Variants in BORCS5 observed in about 807,000 individuals in gnomAD.
BORCS5 encodes BLOC-1-related complex subunit 5.
A neutral mutation model predicts 22.1 loss-of-function variants in BORCS5; 17 were observed. The ratio of observed to expected loss-of-function variants is 0.77; its 90% CI spans 0.53 to 1.15. BORCS5 has a LOEUF of 1.15. BORCS5 is among the 50% of genes most tolerant of loss of function. The pLI is 0.00. For missense variants in BORCS5, 247 were observed against 253.2 expected, an observed-to-expected ratio of 0.98 and a Z score of 0.17; for synonymous variants, 117 against 99.8, an observed-to-expected ratio of 1.17 and a Z score of -1.03.
intron 2 of BORCS5, among the ~76,000 whole-genome samples, chr12:12,421,605 G>A (rs900179954): frequency 6.6e-6 from 1 of 152,140 alleles, no homozygotes; most frequent in African/African-American, 2.4e-5. Flanking sequence ...TCTATTGATT[G>A]GAATAGTTTC....
intron 3 of BORCS5, among the ~76,000 whole-genome samples, chr12:12,446,125 T>G (rs927186804): frequency 2.6e-5 from 4 of 152,124 alleles, no homozygotes; most frequent in Admixed American, 2.6e-4. Flanking sequence ...GGCCCTGTTG[T>G]AGGTGTCGAG....
At chr12:12,376,013 C>T (rs559457816) in intron 2 of BORCS5, among the ~76,000 whole-genome samples, 1 of 152,264 alleles carries the variant, frequency 6.6e-6, no homozygotes, top group South Asian at 2.1e-4. Context: ...CCATGTTGGC[C>T]AGGCTGGTCT....
intron 2 of BORCS5, among the ~76,000 whole-genome samples, chr12:12,382,103 C>T (rs906508669): frequency 6.6e-6 from 1 of 151,254 alleles, no homozygotes; most frequent in African/African-American, 2.4e-5. Flanking sequence ...CTTTGAGTTG[C>T]TATAAAGGAA....
intron 2 of BORCS5, among the ~76,000 whole-genome samples, chr12:12,379,553 A>G (rs568450623): frequency 6.6e-6 from 1 of 151,712 alleles, no homozygotes; most frequent in Non-Finnish European, 1.5e-5. Context: ...TCGGATGTCA[A>G]CAGAAAGAAT....
intron 2 of BORCS5, among the ~76,000 whole-genome samples, chr12:12,406,697 A>C (rs1941603319): frequency 6.6e-6 from 1 of 152,192 alleles, no homozygotes; most frequent in Non-Finnish European, 1.5e-5. Context: ...CCATATAAAA[A>C]TAACCTCCCC....
rs559542121 is a variant in BORCS5, at chr12:12,444,805, A to G, written c.360+9020A>G. On this transcript the variant is annotated intron_variant, in intron 3 of 3. Coordinates refer to ENST00000314565, the MANE Select transcript of BORCS5 (RefSeq NM_058169.6). ...ATAGTTTATATTCAATATGATTTCA[A>G]CTGTGTTAAATATTCTGTTTGTTTA... 2.0e-5 allele frequency among the ~76,000 whole-genome samples: 3 copies of G among 151,466 alleles called. No individual in the cohort carries two copies. The East Asian group carries it at 6.1e-4, about 31-fold the overall frequency.
intron 2 of BORCS5, among the ~76,000 whole-genome samples, chr12:12,364,805 A>G (rs537107982): frequency 9.7e-4 from 147 of 152,314 alleles, no homozygotes; most frequent in African/African-American, 3.4e-3. Flanking sequence ...TGTCTCTACA[A>G]AAGATACAAA....
rs1252403470 is a variant in BORCS5 at position 12,467,172 on chromosome 12, G to A, written c.*1396G>A. ...TGAATATTCATATTTCTTTCACCTA[G>A]ATTGACAAAAAGTGGTATATTTAAG... On this transcript the variant is annotated 3_prime_UTR_variant, in exon 4 of 4. Transcript: ENST00000314565. 6.6e-6 allele frequency: 1 copy of A among 152,110 alleles called. No homozygotes were observed. The highest frequency in any genetic ancestry group is 1.5e-5 in the Non-Finnish European group (1 of 68,026). 9.4% of individuals were successfully genotyped at this position (152,110 alleles called of 1,614,324 possible). A position where few individuals can be genotyped will look rare whatever the true frequency, so the allele number is the denominator to read the frequency against.
intron 2 of BORCS5, among the ~76,000 whole-genome samples, chr12:12,435,214 A>G (rs1242397445): frequency 2.6e-5 from 4 of 152,214 alleles, no homozygotes; most frequent in Non-Finnish European, 5.9e-5. Context: ...TTTAAAAATT[A>G]TATTCCCACA....
At chr12:12,384,098 C>G (rs967270633) in intron 2 of BORCS5, among the ~76,000 whole-genome samples, 5 of 150,884 alleles carry the variant, frequency 3.3e-5, no homozygotes, top group Admixed American at 2.0e-4. Flanking sequence ...TTTTCAACTC[C>G]AAGATTTCTG....
chr12:12,440,891 T>C (rs967914741), intron 3 of BORCS5, among the ~76,000 whole-genome samples: 3 of 152,086 alleles, frequency 2.0e-5, no homozygotes, highest in African/African-American at 7.2e-5. Flanking sequence ...GGTCACACAG[T>C]GAGGTAGTGG....
In BORCS5 at chr12:12,468,268, A is replaced by G. The variant is rs750450731; in HGVS notation, c.*2492A>G. ...AACCTCTGACTGGTAACATGGCATT[A>G]CCAGTCCTTTCCCTCTCATGTTTTG... On this transcript the variant is annotated 3_prime_UTR_variant, in exon 4 of 4. Transcript: ENST00000314565. The G allele has an allele frequency of 1.3e-5, 2 of 152,150 alleles. No homozygotes were observed. Among genetic ancestry groups the G allele is most frequent in the Non-Finnish European group, 2.9e-5 (2 of 68,042 alleles). The allele number at this position is 152,150 out of a possible 1,614,324, so 9.4% of individuals were successfully genotyped here.
intron 2 of BORCS5, among the ~76,000 whole-genome samples, chr12:12,415,331 G>A (rs1428653563): frequency 7.3e-5 from 11 of 150,686 alleles, no homozygotes; most frequent in African/African-American, 1.2e-4. Context: ...CGGATCACTC[G>A]CGGTTAGGAG....
rs1348344110 is a variant in BORCS5 at position 12,469,801 on chromosome 12, G to C, written c.*4025G>C. The C allele has an allele frequency of 9.2e-5, 14 of 152,330 alleles. No homozygotes were observed. The highest frequency in any genetic ancestry group is 2.1e-4 in the Non-Finnish European group (14 of 68,034). The allele number at this position is 152,330 out of a possible 1,614,324, so 9.4% of individuals were successfully genotyped here. ...ACTCAAGATTGAAGGATGGATTAGGGAGAAATGAAAACTTTTCTTCTTGTG... is the reference window on the plus strand; with the variant it reads ...ACTCAAGATTGAAGGATGGATTAGGCAGAAATGAAAACTTTTCTTCTTGTG... On this transcript the variant is annotated 3_prime_UTR_variant, in exon 4 of 4. Coordinates refer to ENST00000314565, the MANE Select transcript of BORCS5 (RefSeq NM_058169.6).
chr12:12,428,480 C>T (rs1249316617), intron 2 of BORCS5, among the ~76,000 whole-genome samples: 1 of 152,144 alleles, frequency 6.6e-6, no homozygotes, highest in Non-Finnish European at 1.5e-5. Flanking sequence ...CAGTATTTAC[C>T]ATTTGCAAAC....
intron 2 of BORCS5, among the ~76,000 whole-genome samples, chr12:12,369,991 C>G (rs1413549578): frequency 6.6e-6 from 1 of 151,820 alleles, no homozygotes; most frequent in African/African-American, 2.4e-5. Context: ...TCCCAAAATG[C>G]TGGAATTACA....
chr12:12,419,185 C>G (rs1178778462), intron 2 of BORCS5, among the ~76,000 whole-genome samples: 2 of 152,178 alleles, frequency 1.3e-5, no homozygotes, highest in Non-Finnish European at 2.9e-5. Flanking sequence ...CTAATGCTAT[C>G]CCTCCGCCAG....
chr12:12,431,603 T>C (rs987435167), intron 2 of BORCS5, among the ~76,000 whole-genome samples: 3 of 152,076 alleles, frequency 2.0e-5, no homozygotes, highest in Non-Finnish European at 4.4e-5. Context: ...GGTTTCACCA[T>C]GTTGGCCAGG....
intron 2 of BORCS5, among the ~76,000 whole-genome samples, chr12:12,412,598 C>T (rs1427973434): frequency 4.6e-5 from 7 of 152,082 alleles, no homozygotes; most frequent in East Asian, 1.9e-4. Context: ...TTTCTAATTT[C>T]GATGCCTTTT....
Sources: allele counts gnomAD v4.1 joint callset (sites outside exome capture counted in the v4.1 genomes callset), GRCh38; gene constraint gnomAD v4.1.1; transcripts MANE v1.5; gene names NCBI Gene and HGNC (gene_info 2026-07-23, HGNC 2026-07-21).